Variants in PCED1B observed in about 807,000 individuals in gnomAD.
PCED1B encodes the protein PC-esterase domain containing 1B.
For missense variants in PCED1B, 573 were observed against 573.9 expected, an observed-to-expected ratio of 1.00 and a Z score of 0.02; for synonymous variants, 251 against 246.1, an observed-to-expected ratio of 1.02 and a Z score of -0.19.
At chr12:47,202,594 T>TAAAAAAAA (rs60769675) in intron 2 of PCED1B, among the ~76,000 whole-genome samples, 39 of 66,624 alleles carry the variant, frequency 5.9e-4, no homozygotes, top group Non-Finnish European at 7.9e-4. Context: ...TAGACATTAG[T>TAAAAAAAA]AAAAAAAAAA....
intron 2 of PCED1B, among the ~76,000 whole-genome samples, chr12:47,212,039 T>C (rs1050917029): frequency 6.3e-5 from 9 of 141,898 alleles, no homozygotes; most frequent in African/African-American, 1.6e-4. Context: ...CGTGCCACTG[T>C]ACTCCAGCCT....
At chr12:47,229,508 G>C (rs1193225701) in intron 3 of PCED1B, among the ~76,000 whole-genome samples, 1 of 152,080 alleles carries the variant, frequency 6.6e-6, no homozygotes, top group Non-Finnish European at 1.5e-5. Context: ...ATGTACGTGG[G>C]GATGCCCATA....
chr12:47,132,847 A>G lies in PCED1B; in HGVS notation c.-526+28652A>G, dbSNP rs79970199. On this transcript the variant is annotated intron_variant, in intron 2 of 3. Transcript: ENST00000546455. Reference sequence around the variant, plus strand: ...CAAAATCTAACTGGTACAAATATCTAGCCAATGTCTGTGGAATTTTTGAAA... The same window carrying G: ...CAAAATCTAACTGGTACAAATATCTGGCCAATGTCTGTGGAATTTTTGAAA... 9.1e-3 allele frequency among the ~76,000 whole-genome samples: 1,390 copies of G among 152,338 alleles called. 29 individuals carry two copies. The highest frequency in any genetic ancestry group is 0.075 in the East Asian group (390 of 5,184).
chr12:47,185,357 A>G (rs1169820113), intron 2 of PCED1B, among the ~76,000 whole-genome samples: 1 of 152,238 alleles, frequency 6.6e-6, no homozygotes, highest in Non-Finnish European at 1.5e-5. Flanking sequence ...GAGGGAAGAC[A>G]GCCCTGTGAA....
intron 2 of PCED1B, among the ~76,000 whole-genome samples, chr12:47,157,360 A>G (rs1054051756): frequency 1.3e-5 from 2 of 152,186 alleles, no homozygotes; most frequent in Non-Finnish European, 2.9e-5. Context: ...AGACCAAGGC[A>G]GGAAGATGGC....
At chr12:47,191,769 G>T (rs1322489810) in intron 2 of PCED1B, among the ~76,000 whole-genome samples, 2 of 151,668 alleles carry the variant, frequency 1.3e-5, no homozygotes, top group African/African-American at 2.4e-5. Flanking sequence ...GGACACAAAA[G>T]TTTTGGGGTT....
intron 1 of PCED1B, among the ~76,000 whole-genome samples, chr12:47,100,449 A>T (rs1427409195): frequency 6.6e-6 from 1 of 152,216 alleles, no homozygotes; most frequent in Non-Finnish European, 1.5e-5. Flanking sequence ...TTATACTAAA[A>T]AAGATATTAG....
In PCED1B at chr12:47,235,119, T is replaced by G. The variant is rs1592333401; in HGVS notation, c.56T>G (p.Val19Gly). 6.5e-7 allele frequency: 1 copy of G among 1,532,216 alleles called. No individual in the cohort carries two copies. 94.9% of individuals were successfully genotyped at this position (1,532,216 alleles called of 1,614,324 possible). The change falls in exon 4 of 4, where the codon GTC becomes GGC. Residue 19 changes from valine (V) to glycine (G), a missense_variant. Physicochemically the swap from Val to Gly is moderately radical, Grantham distance 109 (BLOSUM62 -3). Coordinates refer to ENST00000546455, the MANE Select transcript of PCED1B (RefSeq NM_138371.3). The part of the protein sequence containing the change: ...VRQLLHNKFV[V>G]ILGDSVHRAV... ...CAGCTGCTTCACAATAAGTTCGTGG[T>G]CATCCTGGGGGACTCTGTGCATAGG...
intron 2 of PCED1B, among the ~76,000 whole-genome samples, chr12:47,164,074 A>G (rs1941470695): frequency 6.6e-6 from 1 of 152,158 alleles, no homozygotes; most frequent in Non-Finnish European, 1.5e-5. Context: ...ACCCCCCTAC[A>G]ATGCCAAACT....
intron 2 of PCED1B, among the ~76,000 whole-genome samples, chr12:47,164,739 G>C (rs980495422): frequency 2.6e-5 from 4 of 152,210 alleles, no homozygotes; most frequent in Non-Finnish European, 5.9e-5. Flanking sequence ...AATCTAGGTG[G>C]AAGCCTCCAC....
intron 3 of PCED1B, among the ~76,000 whole-genome samples, chr12:47,230,877 T>C (rs1943785431): frequency 6.6e-6 from 1 of 152,234 alleles, no homozygotes; most frequent in Admixed American, 6.5e-5. Context: ...TAATAATAAC[T>C]AATTTAGCAG....
At chr12:47,154,810 T>TGTGTGC (rs1393332843) in intron 2 of PCED1B, among the ~76,000 whole-genome samples, 2 of 150,578 alleles carry the variant, frequency 1.3e-5, no homozygotes, top group Non-Finnish European at 2.9e-5. Context: ...TGTGTGTGTG[T>TGTGTGC]GCATCTTCCT....
At chr12:47,153,842 A>C (rs1235825753) in intron 2 of PCED1B, among the ~76,000 whole-genome samples, 1 of 152,194 alleles carries the variant, frequency 6.6e-6, no homozygotes, top group Non-Finnish European at 1.5e-5. Context: ...TGACCTTTTC[A>C]TTCAAGTTTG....
At chr12:47,178,866 CA>C (rs35135157) in intron 2 of PCED1B, among the ~76,000 whole-genome samples, 1,017 of 81,250 alleles carry the variant, frequency 0.013, 6 homozygotes, top group African/African-American at 0.043. Flanking sequence ...GACTCCATCT[CA>C]AAAAAAAAAA....
intron 2 of PCED1B, among the ~76,000 whole-genome samples, chr12:47,112,213 T>C (rs1939229246): frequency 6.6e-6 from 1 of 152,200 alleles, no homozygotes; most frequent in Admixed American, 6.5e-5. Context: ...CAGCATAAAA[T>C]CTGGAATTAC....
At position 47,161,253 on chromosome 12, in the gene PCED1B, G is replaced by A. The variant is rs537990850; in HGVS notation, c.-525-54969G>A. Among the ~76,000 whole-genome samples the A allele has an allele frequency of 1.5e-4, 23 of 152,262 alleles. No homozygotes were observed. The South Asian group carries it at 2.3e-3, about 15-fold the overall frequency. On this transcript the variant is annotated intron_variant, in intron 2 of 3. Coordinates refer to ENST00000546455, the MANE Select transcript of PCED1B (RefSeq NM_138371.3). ...TTTTATATATGGTGTTAGATAAGGC[G>A]ACATATGGTGTCAGAAAACTGGGTA...
intron 2 of PCED1B, among the ~76,000 whole-genome samples, chr12:47,215,685 C>T (rs1943234838): frequency 6.6e-6 from 1 of 152,162 alleles, no homozygotes; most frequent in Non-Finnish European, 1.5e-5. Context: ...GGGGCTCAGG[C>T]CTGTGGTTTC....
At chr12:47,160,071 T>C (rs1186403240) in intron 2 of PCED1B, among the ~76,000 whole-genome samples, 1 of 152,142 alleles carries the variant, frequency 6.6e-6, no homozygotes, top group Non-Finnish European at 1.5e-5. Flanking sequence ...TATTTCTGGG[T>C]TCTCTACTCT....
At chr12:47,164,822 T>C (rs1240288824) in intron 2 of PCED1B, among the ~76,000 whole-genome samples, 1 of 152,274 alleles carries the variant, frequency 6.6e-6, no homozygotes, top group South Asian at 2.1e-4. Flanking sequence ...CCAAGGCTTA[T>C]GGCTTGTATC....
Sources: allele counts gnomAD v4.1 joint callset (sites outside exome capture counted in the v4.1 genomes callset), GRCh38; gene constraint gnomAD v4.1.1; transcripts MANE v1.5; gene names NCBI Gene and HGNC (gene_info 2026-07-23, HGNC 2026-07-21).